RHBDD1: variants seen among roughly 807,000 people sequenced by gnomAD.
RHBDD1 encodes the protein rhomboid domain containing 1.
In RHBDD1, 38 loss-of-function variants were observed where a neutral mutation model predicts 36.3. The observed-to-expected ratio is 1.05, with a 90% CI of 0.81 to 1.37. The LOEUF (loss-of-function observed/expected upper bound fraction) is 1.37. Among genes scored for constraint, RHBDD1 ranks in the 40% most tolerant of loss-of-function variants. The pLI is 0.00. For synonymous variants in RHBDD1, 151 were observed against 136.5 expected (o/e 1.11, Z -0.74); for missense variants, 393 against 377.6 (o/e 1.04, Z -0.34).
rs139494302 is a variant in RHBDD1, at chr2:226,921,393, C to G, written c.856+7042C>G. Among the ~76,000 whole-genome samples the G allele has an allele frequency of 6.5e-3, 992 of 151,948 alleles. 12 individuals carry two copies. The highest frequency in any genetic ancestry group is 0.022 in the African/African-American group (920 of 41,480). On this transcript the variant is annotated intron_variant, in intron 8 of 8. Coordinates refer to ENST00000392062, the MANE Select transcript of RHBDD1 (RefSeq NM_001167608.3). The stretch of plus-strand genomic sequence containing the variant: ...TTCTACTATTTTTTCGTTTTGTTAG[C>G]TCTTGCTTTTCCAGTGGTTTAAGAT...
chr2:226,937,663 A>C (rs1950417152), intron 8 of RHBDD1, among the ~76,000 whole-genome samples: 1 of 152,142 alleles, frequency 6.6e-6, no homozygotes, highest in African/African-American at 2.4e-5. Context: ...CTCATCATTT[A>C]TCTCTCACTT....
In RHBDD1 at chr2:226,981,458, T is replaced by C. The variant is rs17351399; in HGVS notation, c.857-13973T>C. ...TTCAAAAAAAAAAAAAAGATGTTAG[T>C]TTTCAGTCACAGGATTGTCTCCTGC... is the stretch of plus-strand genomic sequence containing the variant. On this transcript the variant is annotated intron_variant, in intron 8 of 8. Coordinates refer to ENST00000392062, the MANE Select transcript of RHBDD1 (RefSeq NM_001167608.3). Among the ~76,000 whole-genome samples the C allele has an allele frequency of 6.5e-3, 978 of 149,558 alleles. 8 individuals are homozygous for C. Among genetic ancestry groups the C allele is most frequent in the Non-Finnish European group, 0.011 (742 of 67,680 alleles).
At chr2:226,988,413 T>C in intron 8 of RHBDD1, 1 of 1,550,478 alleles carries the variant, frequency 6.4e-7, no homozygotes, top group Non-Finnish European at 8.7e-7. Flanking sequence ...CCCAGATGCC[T>C]GGGAAGCCTG....
the RHBDD1 span, among the ~76,000 whole-genome samples, chr2:226,801,574 T>A: frequency 6.6e-6 from 1 of 152,282 alleles, no homozygotes; most frequent in Admixed American, 6.5e-5. Flanking sequence ...GGTTAATCTA[T>A]AATTTGAGTA....
At chr2:226,800,832 G>T in the RHBDD1 span, among the ~76,000 whole-genome samples, 1 of 152,202 alleles carries the variant, frequency 6.6e-6, no homozygotes, top group Non-Finnish European at 1.5e-5. Flanking sequence ...AAACAAGGAT[G>T]GTGCCAGCTC....
intron 8 of RHBDD1, among the ~76,000 whole-genome samples, chr2:226,968,654 C>G (rs1261135627): frequency 6.6e-6 from 1 of 152,206 alleles, no homozygotes; most frequent in South Asian, 2.1e-4. Flanking sequence ...TTTGCGCACT[C>G]TCTCCGAAAC....
intron 5 of RHBDD1, among the ~76,000 whole-genome samples, chr2:226,880,380 TAAGA>T (rs1279672701): frequency 6.6e-6 from 1 of 152,208 alleles, no homozygotes; most frequent in East Asian, 1.9e-4. Flanking sequence ...ATTTGAGTCA[TAAGA>T]AAGAGTTAAT....
At chr2:226,851,680 A>T (rs1942830807) in intron 3 of RHBDD1, among the ~76,000 whole-genome samples, 1 of 152,138 alleles carries the variant, frequency 6.6e-6, no homozygotes, top group South Asian at 2.1e-4. Flanking sequence ...AGTCCCTTGG[A>T]ATGAATTAAT....
At chr2:226,909,294 A>G (rs539246823) in intron 7 of RHBDD1, among the ~76,000 whole-genome samples, 3 of 152,296 alleles carry the variant, frequency 2.0e-5, no homozygotes, top group South Asian at 2.1e-4. Context: ...TAAAATAGGC[A>G]TGCCTCTAAC....
chr2:226,914,593 G>A (rs941703413), intron 8 of RHBDD1: 32 of 255,316 alleles, frequency 1.3e-4, no homozygotes, highest in Admixed American at 5.9e-4. Flanking sequence ...TAGTCCTGCT[G>A]TACTTGATGC....
chr2:226,807,916 G>A, the RHBDD1 span, among the ~76,000 whole-genome samples: 4 of 152,084 alleles, frequency 2.6e-5, no homozygotes, highest in Non-Finnish European at 5.9e-5. Context: ...CCAGGGGGCT[G>A]AGTAAGTAGA....
At chr2:226,908,582 TACACACACACACACACACACACACACAC>T in intron 6 of RHBDD1, 1 of 345,766 alleles carries the variant, frequency 2.9e-6, no homozygotes, top group Non-Finnish European at 5.3e-6. Context: ...CATTTTCCAC[TACACACACACACACACACACACACACAC>T]ACACACACAC....
At chr2:226,884,584 A>G (rs1279458065) in intron 5 of RHBDD1, among the ~76,000 whole-genome samples, 3 of 152,192 alleles carry the variant, frequency 2.0e-5, no homozygotes, top group Non-Finnish European at 4.4e-5. Context: ...AATATATGTC[A>G]CTTCAGTAAT....
chr2:226,903,926 A>G (rs1348495856), intron 5 of RHBDD1, among the ~76,000 whole-genome samples: 2 of 152,094 alleles, frequency 1.3e-5, no homozygotes, highest in Admixed American at 6.5e-5. Context: ...TTACCTGGAC[A>G]TGATCGGAGA....
At chr2:226,937,317 G>C (rs1046697632) in intron 8 of RHBDD1, among the ~76,000 whole-genome samples, 1 of 152,154 alleles carries the variant, frequency 6.6e-6, no homozygotes, top group South Asian at 2.1e-4. Flanking sequence ...AAATAAAATA[G>C]TACCCGCTTT....
intron 5 of RHBDD1, among the ~76,000 whole-genome samples, chr2:226,886,087 G>A (rs911377202): frequency 2.0e-5 from 3 of 152,118 alleles, no homozygotes; most frequent in African/African-American, 7.2e-5. Context: ...ATTGATTGTG[G>A]GTAACTGAAA....
intron 5 of RHBDD1, among the ~76,000 whole-genome samples, chr2:226,882,760 C>CATAA (rs1336899635): frequency 6.6e-6 from 1 of 152,124 alleles, no homozygotes; most frequent in East Asian, 1.9e-4. Flanking sequence ...CTTACTCAGC[C>CATAA]ATAAATAAAT....
At chr2:226,898,775 C>G (rs1359924577) in intron 5 of RHBDD1, among the ~76,000 whole-genome samples, 1 of 152,136 alleles carries the variant, frequency 6.6e-6, no homozygotes. Context: ...TATTAAGATC[C>G]CCAAACCCCA....
intron 3 of RHBDD1, among the ~76,000 whole-genome samples, chr2:226,856,244 A>G (rs562150470): frequency 7.4e-4 from 113 of 152,362 alleles, no homozygotes; most frequent in African/African-American, 1.5e-3. Flanking sequence ...TTTTGCATAT[A>G]GCAAAGCTTT....
Sources: gnomAD v4.1 joint callset for allele counts (sites outside exome capture counted in the v4.1 genomes callset) on GRCh38, gnomAD v4.1.1 for gene constraint, MANE v1.5 for transcripts, NCBI Gene and HGNC (gene_info 2026-07-23, HGNC 2026-07-21) for gene names.